Variants in NIFK observed in about 807,000 individuals in gnomAD.
NIFK encodes nucleolar protein interacting with the FHA domain of MKI67.
In NIFK, 16 loss-of-function variants were observed where a neutral mutation model predicts 31.7. The ratio of observed to expected loss-of-function variants is 0.50; its 90% confidence interval spans 0.34 to 0.77. The LOEUF is 0.77. Among genes scored for constraint, NIFK ranks in the 30% least tolerant of loss-of-function variants. The pLI, the probability that NIFK is intolerant of heterozygous loss-of-function variation, is 0.01. For missense variants in NIFK, 341 were observed against 350.4 expected (o/e 0.97, Z 0.21); for synonymous variants, 126 against 123.0 (o/e 1.02, Z -0.16).
chr2:121,729,285 T>G lies in NIFK; in HGVS notation c.565-749A>C, dbSNP rs575638426. On this transcript the variant is annotated intron_variant, in intron 4 of 6. Coordinates refer to ENST00000285814, the MANE Select transcript of NIFK (RefSeq NM_032390.5). The stretch of plus-strand genomic sequence containing the variant: ...GTGGGGGCTGAGGCAGGAGAATCGC[T>G]TGAACCTGGGAGGCGGAGGTTGCAG... 2.5e-3 allele frequency among the ~76,000 whole-genome samples: 383 copies of G among 151,390 alleles called. 2 individuals are homozygous for G. Among genetic ancestry groups the G allele is most frequent in the African/African-American group, 7.7e-3 (316 of 41,206 alleles).
rs11556737 is a variant in NIFK, at chr2:121,735,724, A to T, written c.132T>A (p.Pro44=). 1 of 1,613,336 alleles carries T rather than the reference A, an allele frequency of 6.2e-7. No homozygotes were observed. The highest frequency in any genetic ancestry group is 1.1e-5 in the South Asian group (1 of 90,912). Reference sequence around the variant, plus strand: ...GTAGGTGGCGCACATAGACTACTCCAGGAGTAAGTTGTTCTTGTTTTTTTC... The same window carrying T: ...GTAGGTGGCGCACATAGACTACTCCTGGAGTAAGTTGTTCTTGTTTTTTTC... ...TQRKKQEQLT[P]GVVYVRHLPN... is the part of the protein sequence containing the mutation. Residue 44 remains proline, a synonymous_variant, in exon 2 of 7, where the codon CCT becomes CCA. Transcript: ENST00000285814.
intron 2 of NIFK, among the ~76,000 whole-genome samples, chr2:121,735,176 T>C (rs1354670307): frequency 6.6e-6 from 1 of 152,230 alleles, no homozygotes; most frequent in East Asian, 1.9e-4. Flanking sequence ...AAGTTTTACT[T>C]ATATTTAACA....
At chr2:121,733,147 G>A (rs901437269) in intron 2 of NIFK, among the ~76,000 whole-genome samples, 30 of 150,628 alleles carry the variant, frequency 2.0e-4, no homozygotes, top group Admixed American at 1.4e-3. Context: ...AGGAGGCCGA[G>A]GTGGGTGGAT....
chr2:121,735,125 C>T (rs560259725), intron 2 of NIFK, among the ~76,000 whole-genome samples: 1 of 152,300 alleles, frequency 6.6e-6, no homozygotes, highest in South Asian at 2.1e-4. Flanking sequence ...AAGCAATCCT[C>T]TAAAGACTTT....
At chr2:121,729,625 T>C (rs2074523179) in intron 4 of NIFK, among the ~76,000 whole-genome samples, 1 of 152,092 alleles carries the variant, frequency 6.6e-6, no homozygotes, top group African/African-American at 2.4e-5. Flanking sequence ...AGTGCAATGG[T>C]ACAATCACAG....
At chr2:121,729,492 T>C (rs900647907) in intron 4 of NIFK, among the ~76,000 whole-genome samples, 3 of 151,980 alleles carry the variant, frequency 2.0e-5, no homozygotes, top group African/African-American at 7.3e-5. Flanking sequence ...GAGGAAAGGG[T>C]CAGTGTTTTG....
chr2:121,728,650 TA>T (rs1559904526), intron 4 of NIFK, 114 bp from the exon 5 acceptor site: 1 of 639,832 alleles, frequency 1.6e-6, no homozygotes, highest in Non-Finnish European at 2.6e-6. Context: ...CATTTCATTT[TA>T]AAAAATCAAA....
chr2:121,734,413 AAAT>A (rs567003053), intron 2 of NIFK, among the ~76,000 whole-genome samples: 6 of 152,308 alleles, frequency 3.9e-5, no homozygotes, highest in Non-Finnish European at 7.4e-5. Context: ...TATAATTTTA[AAAT>A]AATACCATAT....
Position 121,736,857 on chromosome 2 carries a change from A to G in NIFK, c.-7T>C. 1 of 1,612,268 alleles carries G rather than the reference A, an allele frequency of 6.2e-7. No homozygotes were observed. ...GGCCAGAAAAAGTCGCCATGCCAAA[A>G]GCCGCCGACGCTAACCACGCGGCGC... is the stretch of plus-strand genomic sequence containing the variant. On this transcript the variant is annotated 5_prime_UTR_variant, in exon 1 of 7. Transcript: ENST00000285814.
At chr2:121,734,619 C>T (rs1239414805) in intron 2 of NIFK, among the ~76,000 whole-genome samples, 3 of 152,010 alleles carry the variant, frequency 2.0e-5, no homozygotes, top group African/African-American at 7.2e-5. Context: ...AGTGAAACCC[C>T]GTCTCTAGTA....
At chr2:121,736,710 C>T in intron 1 of NIFK, 36 bp downstream of exon 1, 6 of 1,567,146 alleles carry the variant, frequency 3.8e-6, no homozygotes, top group Non-Finnish European at 4.4e-6. Context: ...CGGTCCATCG[C>T]CCCCGCTCGC....
At chr2:121,728,257 C>G in intron 6 of NIFK, 31 bp downstream of exon 6, 1 of 1,308,586 alleles carries the variant, frequency 7.6e-7, no homozygotes, top group Non-Finnish European at 1.1e-6. Flanking sequence ...TCTATAATAT[C>G]TGGTGTCTGG....
Position 121,727,583 on chromosome 2 carries a change from T to A in NIFK, c.*141A>T, listed in dbSNP as rs1452804568. On this transcript the variant is annotated 3_prime_UTR_variant, in exon 7 of 7. Coordinates refer to ENST00000285814, the MANE Select transcript of NIFK (RefSeq NM_032390.5). ...GGGCAGGCAATCCAAAATTACACAC[T>A]GCTTTCCTTAACTTGACCAAACAGT... The A allele has an allele frequency of 5.1e-6, 4 of 792,044 alleles. No individual in the cohort carries two copies. The highest frequency in any genetic ancestry group is 8.6e-6 in the Non-Finnish European group (4 of 463,780). 49.1% of individuals were successfully genotyped at this position (792,044 alleles called of 1,614,324 possible).
rs971013658 is a variant in NIFK, at chr2:121,734,462, C to CAT, written c.243+1149_243+1150dup. ...ATATGTACACATATGTATTCTAGTA[C>CAT]ATATATATATAGTAAAAACTTATAT... is the stretch of plus-strand genomic sequence containing the variant. On this transcript the variant is annotated intron_variant, in intron 2 of 6. Transcript: ENST00000285814. Among the ~76,000 whole-genome samples, 16 of 151,832 alleles carry CAT rather than the reference C, an allele frequency of 1.1e-4. No individual in the cohort carries two copies. The East Asian group carries it at 2.7e-3, about 26-fold the overall frequency.
chr2:121,732,046 C>T (rs759117763), intron 3 of NIFK, 50 bp downstream of exon 3: 1 of 1,059,326 alleles, frequency 9.4e-7, no homozygotes, highest in South Asian at 1.3e-5. Context: ...CACAGTCACC[C>T]ACCAACAGCA....
chr2:121,731,236 C>G, intron 3 of NIFK, 132 bp from the exon 4 acceptor site: 1 of 607,846 alleles, frequency 1.6e-6, no homozygotes, highest in Non-Finnish European at 2.9e-6. Context: ...GCTTCTCTCA[C>G]AGCAATGCGA....
chr2:121,727,509 T>C lies in NIFK; in HGVS notation c.*215A>G, dbSNP rs1006933491. ...ACTAGAGGCCAGGACAAAGAGGCAATGTCAGCCAAGCCACTGCAAGATGGT... is the reference window on the plus strand; with the variant it reads ...ACTAGAGGCCAGGACAAAGAGGCAACGTCAGCCAAGCCACTGCAAGATGGT... On this transcript the variant is annotated 3_prime_UTR_variant, in exon 7 of 7. Transcript: ENST00000285814. 1.1e-5 allele frequency: 8 copies of C among 696,758 alleles called. No individual in the cohort carries two copies. Among genetic ancestry groups the C allele is most frequent in the Non-Finnish European group, 2.1e-5 (8 of 373,172 alleles). 43.2% of individuals were successfully genotyped at this position (696,758 alleles called of 1,614,324 possible).
chr2:121,732,109 T>C lies in NIFK; in HGVS notation c.339A>G (p.Glu113=), dbSNP rs61740132. 2,777 of 1,606,500 alleles carry C rather than the reference T, an allele frequency of 1.7e-3. 18 individuals are homozygous for C. The African/African-American group carries it at 0.019, about 11-fold the overall frequency. ...AETMNNYLFG[E]RLLECHFMPP... is the part of the protein sequence containing the mutation. ...AGGAGCACTTACACTCCAAGAGTCT[T>C]TCACCAAACAGGTAGTTGTTCATTG... is the stretch of plus-strand genomic sequence containing the variant. Residue 113 remains glutamate (E), a synonymous_variant, in exon 3 of 7, where the codon GAA becomes GAG. Transcript: ENST00000285814.
intron 2 of NIFK, among the ~76,000 whole-genome samples, chr2:121,733,617 C>T (rs1017086624): frequency 6.6e-6 from 1 of 151,302 alleles, no homozygotes; most frequent in African/African-American, 2.4e-5. Context: ...AGGCGGACAT[C>T]GCAGTCAGCT....
Sources: allele counts gnomAD v4.1 joint callset (sites outside exome capture counted in the v4.1 genomes callset), GRCh38; gene constraint gnomAD v4.1.1; transcripts MANE v1.5; gene names NCBI Gene and HGNC (gene_info 2026-07-23, HGNC 2026-07-21).